ACAD8: variants seen among roughly 807,000 people sequenced by gnomAD.
ACAD8 encodes isobutyryl-CoA dehydrogenase, mitochondrial.
In ACAD8, 47 loss-of-function variants were observed where a neutral mutation model predicts 53.1. That is an observed-to-expected ratio of 0.89 (90% CI 0.70 to 1.13). The LOEUF (loss-of-function observed/expected upper bound fraction) is 1.13. ACAD8 is among the 50% of genes most tolerant of loss of function. The pLI is 0.00. For missense variants in ACAD8, 494 were observed against 535.0 expected (o/e 0.92, Z 0.76); for synonymous variants, 198 against 201.3 (o/e 0.98, Z 0.14).
intron 1 of ACAD8, among the ~76,000 whole-genome samples, chr11:134,255,062 CAGA>C (rs761141604): frequency 1.4e-4 from 21 of 152,196 alleles, no homozygotes; most frequent in Middle Eastern, 3.2e-3. Flanking sequence ...TAGCCATTTA[CAGA>C]AGAAGAAGAT....
chr11:134,264,324 G>A (rs188327792), intron 10 of ACAD8, among the ~76,000 whole-genome samples: 3 of 152,158 alleles, frequency 2.0e-5, no homozygotes, highest in African/African-American at 7.2e-5. Flanking sequence ...CAGCCTGGGT[G>A]ACAGTGAGAC....
At chr11:134,264,364 CGGGCCTGGTG>C (rs1282895348) in intron 10 of ACAD8, among the ~76,000 whole-genome samples, 2 of 151,540 alleles carry the variant, frequency 1.3e-5, no homozygotes, top group Non-Finnish European at 2.9e-5. Flanking sequence ...AAAAATTAGC[CGGGCCTGGTG>C]GGGCCTGGTG....
At position 134,265,192 on chromosome 11, in the gene ACAD8, T is replaced by C. The variant is rs1940113887; in HGVS notation, c.*232T>C. 1 of 580,038 alleles carries C rather than the reference T, an allele frequency of 1.7e-6. No homozygotes were observed. Among genetic ancestry groups the C allele is most frequent in the Non-Finnish European group, 3.1e-6 (1 of 325,842 alleles). The allele number at this position is 580,038 out of a possible 1,614,324, so 35.9% of individuals were successfully genotyped here. ...TGAGAAACATCAGAAGAACACATAC[T>C]ACCTTGTTTTCCTAATGCCAGAAGG... On this transcript the variant is annotated 3_prime_UTR_variant, in exon 11 of 11. Transcript: ENST00000281182.
In ACAD8 at chr11:134,259,874, T is replaced by C. The variant is rs1939782050; in HGVS notation, c.705+129T>C. 4 of 1,524,944 alleles carry C rather than the reference T, an allele frequency of 2.6e-6. No homozygotes were observed. In the South Asian group the frequency reaches 4.7e-5, roughly 18 times the overall value. The allele number at this position is 1,524,944 out of a possible 1,614,324, so 94.5% of individuals were successfully genotyped here. On this transcript the variant is annotated intron_variant, in intron 6 of 10. Transcript: ENST00000281182. ...CTACCTTTGAAGCAGTTGCTTCTAT[T>C]AGGATTTTCAACAGGAGCATATGAA...
At position 134,261,466 on chromosome 11, in the gene ACAD8, C is replaced by CTGA; in HGVS notation, c.939+94_939+95insTGA. On this transcript the variant is annotated intron_variant, in intron 8 of 10. Transcript: ENST00000281182. This position sits in a 1 kb window ranked among gnomAD's most constrained non-coding sequence, Gnocchi z 4.2. ...TTTCCAGGAGAGAAGCCAGGAAATT[C>CTGA]CTCTGTCAGTCCCACCACTGTCCTA... 6.6e-7 allele frequency: 1 copy of CTGA among 1,522,284 alleles called. No individual in the cohort carries two copies. The highest frequency in any genetic ancestry group is 1.1e-5 in the South Asian group (1 of 87,834). 94.3% of individuals were successfully genotyped at this position (1,522,284 alleles called of 1,614,324 possible).
chr11:134,262,418 G>A lies in ACAD8; in HGVS notation c.1093-102G>A, dbSNP rs577810972. 458 of 773,702 alleles carry A rather than the reference G, an allele frequency of 5.9e-4. 1 individual carries two copies. The highest frequency in any genetic ancestry group is 9.5e-4 in the Non-Finnish European group (422 of 446,338). 47.9% of individuals were successfully genotyped at this position (773,702 alleles called of 1,614,324 possible). The stretch of plus-strand genomic sequence containing the variant: ...TTGGCTGTTTGTGGTTCTTTCATGG[G>A]TTTATGGCGGGCTGCCAGATCGTGG... On this transcript the variant is annotated intron_variant, in intron 9 of 10. Transcript: ENST00000281182.
intron 10 of ACAD8, 73 bp from the exon 11 acceptor site, chr11:134,264,835 A>G (rs1940095030): frequency 1.5e-6 from 2 of 1,354,906 alleles, no homozygotes; most frequent in East Asian, 4.6e-5. Flanking sequence ...GGCCTGGAGC[A>G]GCCTGGTCAG....
At chr11:134,259,129 G>C in intron 5 of ACAD8, 45 bp downstream of exon 5, 1 of 1,558,616 alleles carries the variant, frequency 6.4e-7, no homozygotes, top group Non-Finnish European at 8.9e-7. Flanking sequence ...ATTGTTCCCA[G>C]CTTCCTCCTG....
At position 134,256,554 on chromosome 11, in the gene ACAD8, T is replaced by C; in HGVS notation, c.116T>C (p.Met39Thr). The change falls in exon 2 of 11, where the codon ATG becomes ACG. Residue 39 changes from methionine (M) to threonine (T), a missense_variant. Physicochemically the swap from Met to Thr is moderately conservative, Grantham distance 81. Coordinates refer to ENST00000281182, the MANE Select transcript of ACAD8 (RefSeq NM_014384.3). ...TATGCAATCCTGCCCACAGCTTCCA[T>C]GGGACTTAATGAAGAGCAGAAAGAA... is the stretch of plus-strand genomic sequence containing the variant. ...RSLTSCIDPS[M>T]GLNEEQKEFQ... The C allele has an allele frequency of 6.2e-7, 1 of 1,614,140 alleles. No individual in the cohort carries two copies. The highest frequency in any genetic ancestry group is 2.2e-5 in the East Asian group (1 of 44,874).
intron 5 of ACAD8, chr11:134,259,307 C>T: frequency 4.4e-6 from 3 of 680,572 alleles, no homozygotes; most frequent in South Asian, 1.7e-5. Context: ...TTTATACTCT[C>T]TTGGACTGCC....
intron 10 of ACAD8, chr11:134,263,913 C>CT: frequency 2.0e-6 from 2 of 985,374 alleles, no homozygotes; most frequent in Non-Finnish European, 2.4e-6. Flanking sequence ...GTTTATATTT[C>CT]TTTTTGCATT....
intron 5 of ACAD8, 191 bp downstream of exon 5, chr11:134,259,275 T>G: frequency 1.4e-6 from 1 of 715,170 alleles, no homozygotes. Context: ...CCAGATCATT[T>G]CGTTGACTTT....
chr11:134,259,055 G>C lies in ACAD8; in HGVS notation c.538G>C (p.Gly180Arg), dbSNP rs367999938. Residue 180 changes from glycine to arginine, a missense_variant, in exon 5 of 11, where the codon GGA becomes CGA. Gly to Arg is a moderately radical substitution (Grantham distance 125). Coordinates refer to ENST00000281182, the MANE Select transcript of ACAD8 (RefSeq NM_014384.3). ...TCTTCTGACCTCCGCTAAGAAACAG[G>C]GAGATCATTACATCCTCAATGGCTC... ...ASLLTSAKKQ[G>R]DHYILNGSKA... 16 of 1,614,022 alleles carry C rather than the reference G, an allele frequency of 9.9e-6. No individual in the cohort carries two copies. In the Admixed American group the frequency reaches 1.0e-4, roughly 10 times the overall value.
chr11:134,262,108 C>T (rs1939915766), intron 9 of ACAD8: 2 of 688,430 alleles, frequency 2.9e-6, no homozygotes, highest in East Asian at 5.5e-5. Context: ...TTCATTATGT[C>T]ACTGTTGTTT....
intron 3 of ACAD8, 31 bp from the exon 4 acceptor site, chr11:134,258,484 C>G: frequency 1.3e-6 from 2 of 1,488,176 alleles, no homozygotes; most frequent in Non-Finnish European, 1.9e-6. Flanking sequence ...TTATTTCTGT[C>G]ATTGTCTTTT....
rs574233188 is a variant in ACAD8 at position 134,259,092 on chromosome 11, C to T, written c.567+8C>T. 77 of 1,613,448 alleles carry T rather than the reference C, an allele frequency of 4.8e-5. No homozygotes were observed. The South Asian group carries it at 5.6e-4, about 12-fold the overall frequency. On this transcript the variant is annotated splice_region_variant and intron_variant, in intron 5 of 10. Transcript: ENST00000281182. Reference sequence around the variant, plus strand: ...ATCCTCAATGGCTCCAAGGTACTAGCGTGCGTCCTCCCAGAGCACTTTGGA... The same window carrying T: ...ATCCTCAATGGCTCCAAGGTACTAGTGTGCGTCCTCCCAGAGCACTTTGGA...
At chr11:134,256,949 C>T in intron 2 of ACAD8, 139 bp from the exon 3 acceptor site, 1 of 941,480 alleles carries the variant, frequency 1.1e-6, no homozygotes, top group Non-Finnish European at 1.7e-6. Flanking sequence ...CTGATAACCA[C>T]TGTAAGATGA....
chr11:134,253,930 AC>A (rs1939293746), intron 1 of ACAD8, among the ~76,000 whole-genome samples: 1 of 136,012 alleles, frequency 7.4e-6, no homozygotes, highest in Admixed American at 7.2e-5. Context: ...CTGGCCCGTC[AC>A]CCCTGCCCGG....
Position 134,264,147 on chromosome 11 carries a change from C to A in ACAD8, c.1196-761C>A, listed in dbSNP as rs188876517. The stretch of plus-strand genomic sequence containing the variant: ...ATCGCGTGAGGCCAGGAGTTCGAGA[C>A]CAGCTTGGCCAACCCGGTGAAGCCC... On this transcript the variant is annotated intron_variant, in intron 10 of 10. Coordinates refer to ENST00000281182, the MANE Select transcript of ACAD8 (RefSeq NM_014384.3). 1,248 of 700,222 alleles carry A rather than the reference C, an allele frequency of 1.8e-3. 11 individuals are homozygous for A. The African/African-American group carries it at 0.023, about 13-fold the overall frequency. 43.4% of individuals were successfully genotyped at this position (700,222 alleles called of 1,614,324 possible).
Sources: allele counts gnomAD v4.1 joint callset (sites outside exome capture counted in the v4.1 genomes callset), GRCh38; gene constraint gnomAD v4.1.1; non-coding constraint Gnocchi (gnomAD v3.1); transcripts MANE v1.5; gene names NCBI Gene and HGNC (gene_info 2026-07-23, HGNC 2026-07-21).